The following SORCS3 variants were observed in gnomAD, a reference collection of about 807,000 sequenced individuals.
SORCS3 encodes VPS10 domain-containing receptor SorCS3.
A neutral mutation model predicts 146.3 loss-of-function variants in SORCS3; 57 were observed. The observed-to-expected ratio is 0.39, with a 90% confidence interval of 0.31 to 0.49. SORCS3 has a LOEUF of 0.49. Among genes scored for constraint, SORCS3 ranks in the 20% least tolerant of loss-of-function variants. SORCS3 has a pLI of 0.92. For missense variants in SORCS3, 1,341 were observed against 1,575.5 expected (o/e 0.85, Z 2.52); for synonymous variants, 653 against 618.5 (o/e 1.06, Z -0.83).
At chr10:105,207,729 T>C (rs1320393433) in intron 16 of SORCS3, among the ~76,000 whole-genome samples, 3 of 152,200 alleles carry the variant, frequency 2.0e-5, no homozygotes, top group African/African-American at 4.8e-5. Flanking sequence ...ACTAGTGTTG[T>C]TAAATATTAA....
chr10:104,728,752 G>A (rs2016671685), intron 1 of SORCS3, among the ~76,000 whole-genome samples: 1 of 152,122 alleles, frequency 6.6e-6, no homozygotes, highest in Non-Finnish European at 1.5e-5. Context: ...CTAGTATCTG[G>A]CTGATCTTTT....
At chr10:104,835,414 G>T (rs1277118220) in intron 1 of SORCS3, among the ~76,000 whole-genome samples, 1 of 152,184 alleles carries the variant, frequency 6.6e-6, no homozygotes, top group Admixed American at 6.5e-5. Context: ...ATAAGAGTGA[G>T]GGGACCTAGA....
chr10:105,223,109 T>C lies in SORCS3; in HGVS notation c.2735-7T>C. On this transcript the variant is annotated splice_polypyrimidine_tract_variant and splice_region_variant and intron_variant, in intron 19 of 26. Coordinates refer to ENST00000369701, the MANE Select transcript of SORCS3 (RefSeq NM_014978.3). ...TAAACACTGACTTTTTTTTTCTGTTTCCTTAGGTCCTGTGGAGCATGTTCA... is the reference window on the plus strand; with the variant it reads ...TAAACACTGACTTTTTTTTTCTGTTCCCTTAGGTCCTGTGGAGCATGTTCA... 2 of 1,589,776 alleles carry C rather than the reference T, an allele frequency of 1.3e-6. No homozygotes were observed. The highest frequency in any genetic ancestry group is 1.7e-6 in the Non-Finnish European group (2 of 1,164,832).
intron 1 of SORCS3, among the ~76,000 whole-genome samples, chr10:104,691,490 G>T (rs1000612000): frequency 6.6e-6 from 1 of 152,212 alleles, no homozygotes; most frequent in East Asian, 1.9e-4. Context: ...TTCGCCCAAT[G>T]TGGGCCATTT....
chr10:104,983,650 G>GT, intron 4 of SORCS3, among the ~76,000 whole-genome samples: 1 of 152,118 alleles, frequency 6.6e-6, no homozygotes, highest in Admixed American at 6.5e-5. Flanking sequence ...TGTACGTGCT[G>GT]TTTTTTTCTG....
intron 8 of SORCS3, among the ~76,000 whole-genome samples, chr10:105,140,623 G>C (rs2056088514): frequency 6.6e-6 from 1 of 152,146 alleles, no homozygotes; most frequent in African/African-American, 2.4e-5. Context: ...AAAAATAAAG[G>C]AGTTAATTCT....
chr10:104,977,737 T>C (rs11817771), intron 4 of SORCS3, among the ~76,000 whole-genome samples: 10,308 of 147,538 alleles, frequency 0.07, 1,196 homozygotes, highest in African/African-American at 0.24. Flanking sequence ...TTTCTTTTTT[T>C]TTTTTTTTTT....
At chr10:104,795,863 C>A (rs1360308287) in intron 1 of SORCS3, among the ~76,000 whole-genome samples, 1 of 152,198 alleles carries the variant, frequency 6.6e-6, no homozygotes, top group Non-Finnish European at 1.5e-5. Flanking sequence ...CTGACTTGAC[C>A]AATTCCATGT....
intron 4 of SORCS3, among the ~76,000 whole-genome samples, chr10:105,018,014 T>C (rs948657377): frequency 6.6e-5 from 10 of 152,154 alleles, no homozygotes; most frequent in Admixed American, 1.3e-4. Context: ...TAAGGAATGG[T>C]AGTTGAAAAT....
At chr10:104,700,515 C>T (rs2016268236) in intron 1 of SORCS3, among the ~76,000 whole-genome samples, 1 of 152,118 alleles carries the variant, frequency 6.6e-6, no homozygotes, top group Non-Finnish European at 1.5e-5. Flanking sequence ...ATTGTTGACC[C>T]CACTTGGATC....
At chr10:105,148,774 C>T (rs1564767181) in intron 9 of SORCS3, among the ~76,000 whole-genome samples, 1 of 152,008 alleles carries the variant, frequency 6.6e-6, no homozygotes, top group Non-Finnish European at 1.5e-5. Context: ...GTGGTCTCCT[C>T]TAAGCAGTGC....
chr10:105,015,841 T>C (rs146212134), intron 4 of SORCS3, among the ~76,000 whole-genome samples: 6 of 152,118 alleles, frequency 3.9e-5, no homozygotes, highest in Admixed American at 3.9e-4. Context: ...GCGATTCTCC[T>C]GCTTCAGCCT....
chr10:104,764,476 A>G (rs1380408308), intron 1 of SORCS3, among the ~76,000 whole-genome samples: 1 of 152,228 alleles, frequency 6.6e-6, no homozygotes, highest in African/African-American at 2.4e-5. Flanking sequence ...AATTATTTGC[A>G]AAAATGATTG....
rs115444420 is a variant in SORCS3 at position 104,953,744 on chromosome 10, G to C, written c.796-23591G>C. The stretch of plus-strand genomic sequence containing the variant: ...TGGTTAACTATTACTGCATTTAGAC[G>C]TATCTATTAACATCTACAATGTACC... On this transcript the variant is annotated intron_variant, in intron 3 of 26. Coordinates refer to ENST00000369701, the MANE Select transcript of SORCS3 (RefSeq NM_014978.3). Among the ~76,000 whole-genome samples, 1,066 of 152,258 alleles carry C rather than the reference G, an allele frequency of 7.0e-3. 19 individuals are homozygous for C. The highest frequency in any genetic ancestry group is 0.024 in the African/African-American group (996 of 41,558).
chr10:105,054,216 T>C (rs185479872), intron 5 of SORCS3, among the ~76,000 whole-genome samples: 27 of 152,150 alleles, frequency 1.8e-4, no homozygotes, highest in Non-Finnish European at 4.4e-5. Context: ...TATTCTTTGG[T>C]TTTTAATTGC....
intron 1 of SORCS3, among the ~76,000 whole-genome samples, chr10:104,669,832 T>C (rs1401554915): frequency 6.6e-6 from 1 of 152,098 alleles, no homozygotes; most frequent in Admixed American, 6.6e-5. Flanking sequence ...CTGTTTTCAA[T>C]AGTAGCTGTA....
chr10:104,929,068 C>A (rs2019179691), intron 3 of SORCS3, among the ~76,000 whole-genome samples: 1 of 152,178 alleles, frequency 6.6e-6, no homozygotes, highest in African/African-American at 2.4e-5. Flanking sequence ...CCTGGTTTCC[C>A]CCAGGGCCCA....
At chr10:104,920,567 T>C (rs2019077212) in intron 3 of SORCS3, among the ~76,000 whole-genome samples, 1 of 152,184 alleles carries the variant, frequency 6.6e-6, no homozygotes, top group Admixed American at 6.5e-5. Context: ...AAATAGACTT[T>C]GATAAATTAC....
chr10:104,686,022 G>T (rs1299092131), intron 1 of SORCS3, among the ~76,000 whole-genome samples: 1 of 152,170 alleles, frequency 6.6e-6, no homozygotes, highest in African/African-American at 2.4e-5. Context: ...GCAGCCCTGG[G>T]GTGGGAGAGA....
Sources: gnomAD v4.1 joint callset for allele counts (sites outside exome capture counted in the v4.1 genomes callset) on GRCh38, gnomAD v4.1.1 for gene constraint, MANE v1.5 for transcripts, NCBI Gene and HGNC (gene_info 2026-07-23, HGNC 2026-07-21) for gene names.